Variants in F13A1 observed in about 807,000 individuals in gnomAD.
The protein encoded by F13A1 is FSF, A subunit.
Under a neutral mutation model 80.1 loss-of-function variants are expected in F13A1, and 47 were observed. That is an observed-to-expected ratio of 0.59 (90% CI 0.46 to 0.75). The LOEUF (loss-of-function observed/expected upper bound fraction) is 0.75. Ranked by LOEUF, F13A1 falls within the 30% of genes least tolerant of loss-of-function variation. The probability of loss-of-function intolerance (pLI) is 0.00; values close to 1 mark genes in which losing one functional copy is unlikely to be tolerated. For missense variants in F13A1, 817 were observed against 930.4 expected, an observed-to-expected ratio of 0.88 and a Z score of 1.59; for synonymous variants, 349 against 344.9, an observed-to-expected ratio of 1.01 and a Z score of -0.13.
At chr6:6,180,860 A>T (rs1327227689) in intron 11 of F13A1, among the ~76,000 whole-genome samples, 3 of 152,232 alleles carry the variant, frequency 2.0e-5, no homozygotes, top group Non-Finnish European at 4.4e-5. Flanking sequence ...TGTCTAAACT[A>T]TTTAAAATAA....
chr6:6,232,717 C>T (rs1757369300), intron 6 of F13A1, among the ~76,000 whole-genome samples: 1 of 152,050 alleles, frequency 6.6e-6, no homozygotes, highest in East Asian at 1.9e-4. Context: ...AAATGTGCTT[C>T]AATAAATGTA....
chr6:6,289,728 G>A (rs1305509710), intron 3 of F13A1, among the ~76,000 whole-genome samples: 2 of 151,982 alleles, frequency 1.3e-5, no homozygotes, highest in African/African-American at 2.4e-5. Flanking sequence ...GCTTCTGGCT[G>A]TTTATAGAAT....
intron 8 of F13A1, among the ~76,000 whole-genome samples, chr6:6,206,989 CT>C (rs1265905983): frequency 6.6e-6 from 1 of 151,822 alleles, no homozygotes; most frequent in African/African-American, 2.4e-5. Context: ...AAATCTGCTC[CT>C]CCATAGAGCA....
At chr6:6,293,796 A>T in intron 3 of F13A1, among the ~76,000 whole-genome samples, 1 of 34,322 alleles carries the variant, frequency 2.9e-5, no homozygotes, top group Non-Finnish European at 4.7e-5. Context: ...GGAGGGAGGG[A>T]GGGAGGGAGG....
intron 6 of F13A1, among the ~76,000 whole-genome samples, chr6:6,232,381 C>T (rs1408873915): frequency 6.6e-6 from 1 of 152,048 alleles, no homozygotes; most frequent in Admixed American, 6.6e-5. Flanking sequence ...TGGTAAAAGG[C>T]CTTGTCCAAC....
intron 3 of F13A1, among the ~76,000 whole-genome samples, chr6:6,297,996 T>G (rs1758357276): frequency 6.6e-6 from 1 of 150,640 alleles, no homozygotes; most frequent in African/African-American, 2.5e-5. Context: ...TGCCTTCATT[T>G]CATTATGTAT....
At position 6,145,861 on chromosome 6, in the gene F13A1, G is replaced by A. The variant is rs143521697; in HGVS notation, c.2046-89C>T. 8.9e-6 allele frequency: 14 copies of A among 1,569,410 alleles called. No homozygotes were observed. In the African/African-American group the frequency reaches 1.9e-4, roughly 21 times the overall value. On this transcript the variant is annotated intron_variant, in intron 14 of 14. Transcript: ENST00000264870. The stretch of plus-strand genomic sequence containing the variant: ...ATGAAAACTCTTGCCTAAGTCACTT[G>A]CTTTCTTTCTCTCAGTTGGTGCTTA...
chr6:6,248,268 A>G, intron 6 of F13A1, 44 bp downstream of exon 6: 1 of 1,494,574 alleles, frequency 6.7e-7, no homozygotes, highest in Non-Finnish European at 9.3e-7. Context: ...ACTGAGGCAA[A>G]TGACAGGTGT....
intron 3 of F13A1, among the ~76,000 whole-genome samples, chr6:6,296,036 G>C (rs1416447924): frequency 7.0e-6 from 1 of 143,824 alleles, no homozygotes; most frequent in Non-Finnish European, 1.5e-5. Context: ...TCTCAGGTTT[G>C]TCAAAGATCA....
intron 4 of F13A1, among the ~76,000 whole-genome samples, chr6:6,259,583 C>G (rs992284802): frequency 7.9e-5 from 12 of 152,184 alleles, no homozygotes; most frequent in African/African-American, 2.4e-4. Context: ...CAGACACACT[C>G]CTCCCAGCAC....
rs5980 is a variant in F13A1 at position 6,151,774 on chromosome 6, C to T, written c.2045+39G>A. ...ACACACAGAGAAAGCTTCCCACAGC[C>T]CTGCACTGCCTGCCCGGTCTCCCCA... On this transcript the variant is annotated intron_variant, in intron 14 of 14. Coordinates refer to ENST00000264870, the MANE Select transcript of F13A1 (RefSeq NM_000129.4). 358,127 of 1,612,098 alleles carry T rather than the reference C, an allele frequency of 0.22. 40,670 individuals carry two copies. Among genetic ancestry groups the T allele is most frequent in the Middle Eastern group, 0.3 (1,774 of 5,984 alleles).
chr6:6,300,321 G>C (rs1758404768), intron 3 of F13A1, among the ~76,000 whole-genome samples: 1 of 151,030 alleles, frequency 6.6e-6, no homozygotes, highest in South Asian at 2.1e-4. Context: ...CTGGGCAATG[G>C]CGGGCGCCCC....
At chr6:6,318,735 A>G in intron 1 of F13A1, 53 bp from the exon 2 acceptor site, 2 of 1,567,352 alleles carry the variant, frequency 1.3e-6, no homozygotes, top group Non-Finnish European at 8.7e-7. Flanking sequence ...AAAGTGAGTA[A>G]CATTTGAGAC....
Position 6,145,406 on chromosome 6 carries a change from G to A in F13A1, c.*213C>T, listed in dbSNP as rs1453356139. The A allele has an allele frequency of 1.6e-6, 1 of 620,804 alleles. No individual in the cohort carries two copies. The allele number at this position is 620,804 out of a possible 1,614,324, so 38.5% of individuals were successfully genotyped here. ...AGCTAATGCTTAGCACTCTTTGGAA[G>A]GTGGAGAGATTAAAAACTAACTTCC... is the stretch of plus-strand genomic sequence containing the variant. On this transcript the variant is annotated 3_prime_UTR_variant, in exon 15 of 15. Coordinates refer to ENST00000264870, the MANE Select transcript of F13A1 (RefSeq NM_000129.4).
intron 2 of F13A1, among the ~76,000 whole-genome samples, chr6:6,313,086 A>G (rs1398329442): frequency 3.3e-5 from 5 of 152,186 alleles, no homozygotes; most frequent in Non-Finnish European, 5.9e-5. Flanking sequence ...GTCCCTTGCC[A>G]TGGAGTGTGT....
At chr6:6,216,129 C>T (rs1364541694) in intron 8 of F13A1, among the ~76,000 whole-genome samples, 10 of 151,448 alleles carry the variant, frequency 6.6e-5, no homozygotes, top group Non-Finnish European at 1.5e-4. Context: ...TCAATGCCAT[C>T]CCCATCAAGC....
intron 9 of F13A1, 42 bp from the exon 10 acceptor site, chr6:6,195,927 C>A: frequency 2.6e-6 from 4 of 1,558,226 alleles, no homozygotes; most frequent in Non-Finnish European, 3.5e-6. Flanking sequence ...TTGTCATCTC[C>A]AATTCTGTCC....
Position 6,243,586 on chromosome 6 carries a change from G to T in F13A1, c.798+4726C>A, listed in dbSNP as rs1583090707. 6.6e-6 allele frequency among the ~76,000 whole-genome samples: 1 copy of T among 152,198 alleles called. No individual in the cohort carries two copies. The highest frequency in any genetic ancestry group is 1.9e-4 in the East Asian group (1 of 5,200). ...CAATTCAATCTTACATAATTATTGTGTTATTGGCAATAACGTGTTGATAGT... is the reference window on the plus strand; with the variant it reads ...CAATTCAATCTTACATAATTATTGTTTTATTGGCAATAACGTGTTGATAGT... On this transcript the variant is annotated intron_variant, in intron 6 of 14. Coordinates refer to ENST00000264870, the MANE Select transcript of F13A1 (RefSeq NM_000129.4). The surrounding 1 kb of genome is among the most constrained non-coding windows in gnomAD (Gnocchi z 4.2).
chr6:6,275,575 GC>G (rs1332503097), intron 3 of F13A1, among the ~76,000 whole-genome samples: 4 of 152,142 alleles, frequency 2.6e-5, no homozygotes, highest in Non-Finnish European at 5.9e-5. Flanking sequence ...TGCCATGTTA[GC>G]CAGGCTGGTC....
Sources: allele counts gnomAD v4.1 joint callset (sites outside exome capture counted in the v4.1 genomes callset), GRCh38; gene constraint gnomAD v4.1.1; non-coding constraint Gnocchi (gnomAD v3.1); transcripts MANE v1.5; gene names NCBI Gene and HGNC (gene_info 2026-07-23, HGNC 2026-07-21).